PARP4: variants seen among roughly 807,000 people sequenced by gnomAD.
PARP4 encodes poly(ADP-ribose) polymerase family member 4, also known as protein mono-ADP-ribosyltransferase PARP4.
Under a neutral mutation model 187.7 loss-of-function variants are expected in PARP4, and 120 were observed. The ratio of observed to expected loss-of-function variants is 0.64; its 90% CI spans 0.55 to 0.74. PARP4 has a LOEUF of 0.74. Ranked by LOEUF, PARP4 falls within the 30% of genes least tolerant of loss-of-function variation. The pLI is 0.00. For missense variants in PARP4, 1,836 were observed against 2,070.5 expected (o/e 0.89, Z 2.20); for synonymous variants, 654 against 740.9 (o/e 0.88, Z 1.90).
intron 12 of PARP4, among the ~76,000 whole-genome samples, chr13:24,479,940 GGA>G (rs1363984080): frequency 6.6e-6 from 1 of 152,066 alleles, no homozygotes; most frequent in Non-Finnish European, 1.5e-5. Context: ...GAGCCCACCG[GGA>G]GGAACGAACA....
chr13:24,422,424 A>G (rs1869791306), intron 33 of PARP4, among the ~76,000 whole-genome samples: 1 of 152,166 alleles, frequency 6.6e-6, no homozygotes, highest in African/African-American at 2.4e-5. Context: ...TAACTGCTGA[A>G]AACAACAAAA....
rs373536597 is a variant in PARP4, at chr13:24,469,944, C to T, written c.1996G>A (p.Ala666Thr). The T allele has an allele frequency of 3.2e-5, 52 of 1,613,420 alleles. No homozygotes were observed. Among genetic ancestry groups the T allele is most frequent in the Middle Eastern group, 1.6e-4 (1 of 6,076 alleles). The change falls in exon 16 of 34, where the codon GCT (alanine) becomes ACT (threonine). Residue 666 changes from alanine to threonine, a missense_variant. By Grantham distance (58) the Ala-to-Thr change is moderately conservative. Transcript: ENST00000381989. ...ATGAAGGCTTCGAAGCCACACACAGCGGCCTTGTCATCCAAAGGAAAGATA... is the reference window on the plus strand; with the variant it reads ...ATGAAGGCTTCGAAGCCACACACAGTGGCCTTGTCATCCAAAGGAAAGATA... The part of the protein sequence containing the change: ...KYIFPLDDKA[A>T]VCGFEAFING...
At chr13:24,490,449 T>C (rs1868576509) in intron 10 of PARP4, among the ~76,000 whole-genome samples, 2 of 152,178 alleles carry the variant, frequency 1.3e-5, no homozygotes, top group South Asian at 4.1e-4. Flanking sequence ...CAAGATTAGG[T>C]AACCTTGAAA....
At chr13:24,433,465 C>T (rs548244183) in intron 31 of PARP4, among the ~76,000 whole-genome samples, 4 of 152,304 alleles carry the variant, frequency 2.6e-5, no homozygotes, top group African/African-American at 9.6e-5. Flanking sequence ...CAACTATTAT[C>T]ACACCCACAC....
chr13:24,500,990 T>TTGTC (rs34706771), intron 3 of PARP4, among the ~76,000 whole-genome samples: 78,619 of 151,618 alleles, frequency 0.52, 20,549 homozygotes, highest in South Asian at 0.66. Context: ...GTCTACTATT[T>TTGTC]TATTTCTGTT....
At chr13:24,473,940 C>G (rs1010272829) in intron 15 of PARP4, among the ~76,000 whole-genome samples, 1 of 152,156 alleles carries the variant, frequency 6.6e-6, no homozygotes, top group African/African-American at 2.4e-5. Context: ...TCTACTGATT[C>G]TCTGGGTGTT....
rs149097954 is a variant in PARP4, at chr13:24,469,284, A to G, written c.2047-174T>C. The stretch of plus-strand genomic sequence containing the variant: ...AATATACTTATCTGATAAGAACTTG[A>G]ACCAGAAAAGGCCAACTAAAGAGAA... On this transcript the variant is annotated intron_variant, in intron 16 of 33. Transcript: ENST00000381989. 2.9e-3 allele frequency among the ~76,000 whole-genome samples: 448 copies of G among 152,360 alleles called. 4 individuals carry two copies. The highest frequency in any genetic ancestry group is 0.01 in the African/African-American group (416 of 41,584).
intron 6 of PARP4, among the ~76,000 whole-genome samples, chr13:24,496,277 CA>C (rs1387753147): frequency 6.6e-6 from 1 of 152,170 alleles, no homozygotes; most frequent in African/African-American, 2.4e-5. Context: ...TTTCAGGGTA[CA>C]AGGGTAACAA....
chr13:24,445,822 C>T (rs1444791912), intron 27 of PARP4, among the ~76,000 whole-genome samples: 4 of 152,168 alleles, frequency 2.6e-5, no homozygotes, highest in Non-Finnish European at 4.4e-5. Flanking sequence ...TGGGGACCTG[C>T]TACTTGCTAC....
chr13:24,460,066 G>A lies in PARP4; in HGVS notation c.2204C>T (p.Thr735Ile). 6.2e-7 allele frequency: 1 copy of A among 1,614,028 alleles called. No individual in the cohort carries two copies. Among genetic ancestry groups the A allele is most frequent in the Non-Finnish European group, 8.5e-7 (1 of 1,179,910 alleles). ...AKVLIKITYITELSILGTVGV... is the reference protein window; with the variant it reads ...AKVLIKITYIIELSILGTVGV... ...AACAGTGCCCAGGATGCTGAGTTCTGTGATGTAGGTAATTTTTATAAGAAC... is the reference window on the plus strand; with the variant it reads ...AACAGTGCCCAGGATGCTGAGTTCTATGATGTAGGTAATTTTTATAAGAAC... The change falls in exon 18 of 34, where the codon ACA becomes ATA. Residue 735 changes from threonine to isoleucine, a missense_variant. By Grantham distance (89) the Thr-to-Ile change is moderately conservative. Transcript: ENST00000381989.
chr13:24,437,285 A>T (rs561614156), intron 30 of PARP4, among the ~76,000 whole-genome samples: 3 of 152,276 alleles, frequency 2.0e-5, no homozygotes, highest in East Asian at 1.9e-4. Context: ...GAAAAATTTT[A>T]AAAGTATAAT....
intron 15 of PARP4, among the ~76,000 whole-genome samples, chr13:24,474,324 C>T (rs545609311): frequency 2.1e-5 from 3 of 141,972 alleles, no homozygotes; most frequent in African/African-American, 7.6e-5. Flanking sequence ...CAATCGTCTC[C>T]TCTATGTGAT....
chr13:24,491,484 T>C (rs1363976608), intron 9 of PARP4, among the ~76,000 whole-genome samples: 2 of 152,218 alleles, frequency 1.3e-5, no homozygotes, highest in East Asian at 3.8e-4. Context: ...GTCTTATATT[T>C]TCTCATTGAC....
rs1555234626 is a variant in PARP4, at chr13:24,455,506, T to TATATATATATATATCACA, written c.2563-295_2563-294insTGTGATATATATATATAT. Reference sequence around the variant, plus strand: ...ATATATATATATATATATATATATATCACACTATTCTAAGAGGAATATACA... The same window carrying TATATATATATATATCACA: ...ATATATATATATATATATATATATATATATATATATATATCACACACACTATTCTAAGAGGAATATACA... On this transcript the variant is annotated intron_variant, in intron 21 of 33. Coordinates refer to ENST00000381989, the MANE Select transcript of PARP4 (RefSeq NM_006437.4). Among the ~76,000 whole-genome samples, 926 of 135,282 alleles carry TATATATATATATATCACA rather than the reference T, an allele frequency of 6.8e-3. 16 individuals are homozygous for TATATATATATATATCACA. Among genetic ancestry groups the TATATATATATATATCACA allele is most frequent in the African/African-American group, 0.019 (696 of 36,480 alleles). 88.8% of individuals were successfully genotyped at this position (135,282 alleles called of 152,430 possible).
At chr13:24,496,385 T>C (rs1021394580) in intron 6 of PARP4, among the ~76,000 whole-genome samples, 8 of 152,210 alleles carry the variant, frequency 5.3e-5, no homozygotes, top group African/African-American at 1.4e-4. Flanking sequence ...GCTGTAATAG[T>C]AGGCAAAATT....
chr13:24,508,516 A>G (rs909323999), intron 1 of PARP4, among the ~76,000 whole-genome samples: 3 of 152,198 alleles, frequency 2.0e-5, no homozygotes, highest in Admixed American at 1.3e-4. Flanking sequence ...TAGGTCTATT[A>G]TAACACTTTG....
chr13:24,500,418 C>A, intron 3 of PARP4, 36 bp from the exon 4 acceptor site: 1 of 1,333,262 alleles, frequency 7.5e-7, no homozygotes, highest in Non-Finnish European at 1.1e-6. Flanking sequence ...TTGTTTACTG[C>A]CCAAAGACTT....
chr13:24,482,948 G>A (rs939276415), intron 12 of PARP4, among the ~76,000 whole-genome samples: 2 of 152,118 alleles, frequency 1.3e-5, no homozygotes, highest in African/African-American at 2.4e-5. Context: ...AAAATGTACG[G>A]ATCCATTCCA....
Position 24,460,018 on chromosome 13 carries a change from G to A in PARP4, c.2252C>T (p.Thr751Ile), listed in dbSNP as rs565957831. 1.2e-6 allele frequency: 2 copies of A among 1,614,106 alleles called. No individual in the cohort carries two copies. Among genetic ancestry groups the A allele is most frequent in the African/African-American group, 1.3e-5 (1 of 75,038 alleles). Residue 751 changes from threonine to isoleucine, a missense_variant, in exon 18 of 34, where the codon ACC (threonine) becomes ATC (isoleucine). Transcript: ENST00000381989. Reference sequence around the variant, plus strand: ...CTTGTCCTGTTGCCAGGGTGCTACGGTGGCGGGCATGAAAAAGACACCAAC... The same window carrying A: ...CTTGTCCTGTTGCCAGGGTGCTACGATGGCGGGCATGAAAAAGACACCAAC... The part of the protein sequence containing the change: ...GTVGVFFMPA[T>I]VAPWQQDKAL...
Sources: gnomAD v4.1 joint callset for allele counts (sites outside exome capture counted in the v4.1 genomes callset) on GRCh38, gnomAD v4.1.1 for gene constraint, MANE v1.5 for transcripts, NCBI Gene and HGNC (gene_info 2026-07-23, HGNC 2026-07-21) for gene names.